The following EML1 variants were observed in gnomAD, a reference collection of about 807,000 sequenced individuals.
EML1 encodes EMAP like 1.
Under a neutral mutation model 110.4 loss-of-function variants are expected in EML1, and 27 were observed. That is an observed-to-expected ratio of 0.24 (90% CI 0.18 to 0.34). The LOEUF (loss-of-function observed/expected upper bound fraction) is 0.34, where lower values mean the gene tolerates loss of function less well. Among genes scored for constraint, EML1 ranks in the 10% least tolerant of loss-of-function variants. The pLI, the probability that EML1 is intolerant of heterozygous loss-of-function variation, is 1.00. For synonymous variants in EML1, 344 were observed against 385.8 expected, an observed-to-expected ratio of 0.89 and a Z score of 1.27; for missense variants, 741 against 1,030.9, an observed-to-expected ratio of 0.72 and a Z score of 3.85.
At chr14:99,903,812 C>A in intron 9 of EML1, among the ~76,000 whole-genome samples, 1 of 139,074 alleles carries the variant, frequency 7.2e-6, no homozygotes, top group African/African-American at 2.7e-5. Flanking sequence ...GAGACAGAGT[C>A]TCACTCTGTC....
intron 4 of EML1, among the ~76,000 whole-genome samples, chr14:99,880,865 A>T (rs1486912388): frequency 6.6e-6 from 1 of 152,186 alleles, no homozygotes; most frequent in Non-Finnish European, 1.5e-5. Context: ...AGGGCTTGGC[A>T]CTCAGTAAAT....
At chr14:99,899,199 T>TTCTG (rs2059720689) in intron 8 of EML1, among the ~76,000 whole-genome samples, 1 of 151,780 alleles carries the variant, frequency 6.6e-6, no homozygotes, top group Non-Finnish European at 1.5e-5. Context: ...TGAAACTAAT[T>TTCTG]TAAGTACATA....
At chr14:99,814,427 A>G (rs1327107413) in intron 1 of EML1, among the ~76,000 whole-genome samples, 5 of 151,942 alleles carry the variant, frequency 3.3e-5, no homozygotes, top group Non-Finnish European at 5.9e-5. Context: ...AAGTCCAGAT[A>G]ATTTTTTTTC....
At chr14:99,884,296 T>C (rs1743040) in intron 4 of EML1, among the ~76,000 whole-genome samples, 89,978 of 152,048 alleles carry the variant, frequency 0.59, 27,080 homozygotes, top group East Asian at 0.87. Flanking sequence ...CCTGTTTCTG[T>C]CTTTATCCCA....
rs199931284 is a variant in EML1 at position 99,808,513 on chromosome 14, G to A, written c.67+14970G>A. ...TGGAGTCAGAGTGTAAGAACTTCCA[G>A]CATTCATGGATCACATATATTATAT... On this transcript the variant is annotated intron_variant, in intron 1 of 21. Coordinates refer to ENST00000262233, the MANE Select transcript of EML1 (RefSeq NM_004434.3). Among the ~76,000 whole-genome samples, 16 of 152,222 alleles carry A rather than the reference G, an allele frequency of 1.1e-4. No homozygotes were observed. In the East Asian group the frequency reaches 3.1e-3, roughly 29 times the overall value.
At chr14:99,914,928 A>G (rs746268582) in intron 15 of EML1, 1 of 549,376 alleles carries the variant, frequency 1.8e-6, no homozygotes, top group Non-Finnish European at 3.1e-6. Flanking sequence ...TTCTGACAAG[A>G]AGTTGTTCTT....
chr14:99,816,983 C>T (rs999894960), intron 1 of EML1, among the ~76,000 whole-genome samples: 1 of 152,194 alleles, frequency 6.6e-6, no homozygotes, highest in Non-Finnish European at 1.5e-5. Flanking sequence ...TTTCATTATA[C>T]AATATCAAAA....
At chr14:99,753,382 C>T (rs1362143327) in intron 1 of EML1, among the ~76,000 whole-genome samples, 5 of 151,816 alleles carry the variant, frequency 3.3e-5, no homozygotes, top group Non-Finnish European at 7.4e-5. Context: ...TCAAGCGGAT[C>T]CCTGTGGGCC....
chr14:99,938,643 C>G (rs1478449496), intron 20 of EML1, among the ~76,000 whole-genome samples: 1 of 152,334 alleles, frequency 6.6e-6, no homozygotes, highest in East Asian at 1.9e-4. Context: ...ATTCTCCAGG[C>G]CCACCTGGGC....
At chr14:99,858,657 G>A (rs1218315497) in intron 2 of EML1, among the ~76,000 whole-genome samples, 1 of 152,144 alleles carries the variant, frequency 6.6e-6, no homozygotes, top group Non-Finnish European at 1.5e-5. Context: ...CTAGAAGTAG[G>A]GGTGCTGGGT....
chr14:99,830,873 T>C (rs2058439148), intron 1 of EML1, among the ~76,000 whole-genome samples: 1 of 152,158 alleles, frequency 6.6e-6, no homozygotes, highest in Non-Finnish European at 1.5e-5. Context: ...CAAATAGTAC[T>C]CAAAGAATCA....
chr14:99,894,788 A>G (rs2059645645), intron 6 of EML1, 30 bp downstream of exon 6: 1 of 1,591,784 alleles, frequency 6.3e-7, no homozygotes. Context: ...TAGGTCTCAC[A>G]TGAAGTTATC....
intron 3 of EML1, among the ~76,000 whole-genome samples, chr14:99,876,082 G>A (rs772178325): frequency 6.6e-6 from 1 of 152,182 alleles, no homozygotes; most frequent in Non-Finnish European, 1.5e-5. Context: ...GCCACTGGAA[G>A]TTGCAAAGGA....
intron 8 of EML1, among the ~76,000 whole-genome samples, chr14:99,900,376 A>G (rs1033784496): frequency 2.0e-5 from 3 of 151,750 alleles, no homozygotes; most frequent in Non-Finnish European, 2.9e-5. Flanking sequence ...TTGTAGAGAC[A>G]GGGTTTCACC....
At chr14:99,768,510 A>C (rs1232991994), upstream of EML1, among the ~76,000 whole-genome samples, 1 of 151,954 alleles carries the variant, frequency 6.6e-6, no homozygotes, top group Non-Finnish European at 1.5e-5. Flanking sequence ...ACTATCAGTC[A>C]CTCCACATGG....
At chr14:99,775,822 A>G (rs571284968) in intron 1 of EML1, among the ~76,000 whole-genome samples, 5 of 152,244 alleles carry the variant, frequency 3.3e-5, no homozygotes, top group Non-Finnish European at 7.3e-5. Context: ...GTGTAATGGC[A>G]GTATTGGGAT....
At chr14:99,809,523 G>T in intron 1 of EML1, 1 of 402,432 alleles carries the variant, frequency 2.5e-6, no homozygotes, top group Non-Finnish European at 5.0e-6. Context: ...CGCCCTGGTC[G>T]GCACCCTGGG....
rs1434768901 is a variant in EML1, at chr14:99,891,177, T to G, written c.519-22T>G. The G allele has an allele frequency of 2.5e-6, 4 of 1,614,074 alleles. No homozygotes were observed. In the African/African-American group the frequency reaches 4.0e-5, roughly 16 times the overall value. ...AACACCCACAGCACCCTTTAAAAAC[T>G]GTTTTTCGTTTATTTTCACAGCAAA... On this transcript the variant is annotated intron_variant, in intron 4 of 21. Coordinates refer to ENST00000262233, the MANE Select transcript of EML1 (RefSeq NM_004434.3).
At chr14:99,751,497 G>A (rs926368605) in intron 1 of EML1, among the ~76,000 whole-genome samples, 1 of 152,150 alleles carries the variant, frequency 6.6e-6, no homozygotes, top group Non-Finnish European at 1.5e-5. Context: ...GAGCAGGGGA[G>A]GTGTCATGCA....
Sources: gnomAD v4.1 joint callset for allele counts (sites outside exome capture counted in the v4.1 genomes callset) on GRCh38, gnomAD v4.1.1 for gene constraint, MANE v1.5 for transcripts, NCBI Gene and HGNC (gene_info 2026-07-23, HGNC 2026-07-21) for gene names.